Variants in ELF4 observed in about 807,000 individuals in gnomAD.
The protein encoded by ELF4 is E74 like ETS transcription factor 4.
Under a neutral mutation model 31.7 loss-of-function variants are expected in ELF4, and 10 were observed. The ratio of observed to expected loss-of-function variants is 0.32; its 90% CI spans 0.19 to 0.54. ELF4 has a LOEUF of 0.54. Ranked by LOEUF, ELF4 falls within the 20% of genes least tolerant of loss-of-function variation. ELF4 has a pLI of 0.95. For missense variants in ELF4, 418 were observed against 522.0 expected (o/e 0.80, Z 1.94); for synonymous variants, 208 against 226.7 (o/e 0.92, Z 0.74).
intron 1 of ELF4, among the ~76,000 whole-genome samples, chrX:130,090,241 C>T (rs1488703185): frequency 2.7e-5 from 3 of 110,726 alleles, no homozygotes; most frequent in Non-Finnish European, 5.7e-5. Context: ...GGTGTGGTGG[C>T]GCCCTCCTGT....
intron 1 of ELF4, among the ~76,000 whole-genome samples, chrX:130,100,118 C>T (rs1320358504): frequency 5.4e-5 from 6 of 111,489 alleles, no homozygotes; most frequent in African/African-American, 2.0e-4. Context: ...CATCTGTACC[C>T]CATACCTGTG....
chrX:130,067,522 T>C lies in ELF4; in HGVS notation c.1191A>G (p.Ala397=), dbSNP rs1603196167. ...GGTGGATGTTGCTGGGCACTGAAGA[T>C]GCACTGAGAAGAAACAGAGAACAGA... ...GQVKLTKAVS[A]SSVPSNIHLG... is the part of the protein sequence containing the mutation. Residue 397 remains alanine (A), a synonymous_variant, in exon 9 of 9, where the codon GCA becomes GCG. Transcript: ENST00000308167. The C allele has an allele frequency of 8.3e-7, 1 of 1,211,453 alleles. No homozygotes were observed. The highest frequency in any genetic ancestry group is 1.1e-6 in the Non-Finnish European group (1 of 895,171).
chrX:130,081,146 G>T, intron 2 of ELF4, 110 bp downstream of exon 2: 1 of 914,239 alleles, frequency 1.1e-6, no homozygotes, highest in Non-Finnish European at 1.6e-6. Flanking sequence ...ATGGATATTT[G>T]CTGATTGGCT....
intron 1 of ELF4, among the ~76,000 whole-genome samples, chrX:130,085,721 C>G (rs1932951042): frequency 8.9e-6 from 1 of 111,780 alleles, no homozygotes; most frequent in Non-Finnish European, 1.9e-5. Context: ...TTGGAGCCAG[C>G]TCTCACTCCT....
intron 2 of ELF4, among the ~76,000 whole-genome samples, chrX:130,076,224 T>TA (rs1556195269): frequency 1.8e-5 from 2 of 111,029 alleles, no homozygotes; most frequent in Admixed American, 9.6e-5. Context: ...GTGTTTTTTT[T>TA]AAAAAAACTC....
chrX:130,074,894 G>A, intron 2 of ELF4, 142 bp from the exon 3 acceptor site: 1 of 701,882 alleles, frequency 1.4e-6, no homozygotes, highest in Non-Finnish European at 2.2e-6. Context: ...ATAACTCTGG[G>A]TCCAGCCTCA....
intron 2 of ELF4, among the ~76,000 whole-genome samples, chrX:130,078,055 T>G (rs1190988279): frequency 1.8e-5 from 2 of 109,667 alleles, no homozygotes; most frequent in Non-Finnish European, 3.8e-5. Context: ...CTTTTCTTTT[T>G]TTTTTTTGGA....
At chrX:130,101,332 A>G (rs1182359164) in intron 1 of ELF4, among the ~76,000 whole-genome samples, 1 of 112,683 alleles carries the variant, frequency 8.9e-6, no homozygotes, top group Non-Finnish European at 1.9e-5. Flanking sequence ...TCATGGATTT[A>G]TTAACCAAAA....
Position 130,065,917 on chromosome X carries a change from C to G in ELF4, c.*804G>C. The G allele has an allele frequency of 5.7e-6, 1 of 175,233 alleles. No homozygotes were observed. Among genetic ancestry groups the G allele is most frequent in the East Asian group, 8.1e-5 (1 of 12,357 alleles). 14.4% of individuals were successfully genotyped at this position (175,233 alleles called of 1,213,427 possible). Reference sequence around the variant, plus strand: ...ACTGCAAGGTGACTGTGGTTGCTAACACGGCAAACTCCAGGAAGAGTACCT... The same window carrying G: ...ACTGCAAGGTGACTGTGGTTGCTAAGACGGCAAACTCCAGGAAGAGTACCT... On this transcript the variant is annotated 3_prime_UTR_variant, in exon 9 of 9. Coordinates refer to ENST00000308167, the MANE Select transcript of ELF4 (RefSeq NM_001421.4).
intron 5 of ELF4, among the ~76,000 whole-genome samples, chrX:130,071,749 G>A (rs1463240501): frequency 8.9e-6 from 1 of 112,883 alleles, no homozygotes; most frequent in Non-Finnish European, 1.9e-5. Flanking sequence ...GCTGAGGTTC[G>A]GTTGCCATGC....
chrX:130,067,217 G>A lies in ELF4; in HGVS notation c.1496C>T (p.Pro499Leu), dbSNP rs371747723. The A allele has an allele frequency of 2.7e-5, 33 of 1,210,194 alleles. No homozygotes were observed. The highest frequency in any genetic ancestry group is 8.7e-5 in the African/African-American group (5 of 57,447). ...AGCCCCTGTGACCGTGGGTGGCGCC[G>A]GGTTGGTCGGACGGTTGGCCCCAGC... is the stretch of plus-strand genomic sequence containing the variant. ...LLAGANRPTN[P>L]APPTVTGAGP... Residue 499 changes from proline (P) to leucine (L), a missense_variant, in exon 9 of 9, where the codon CCG (proline) becomes CTG (leucine). Transcript: ENST00000308167.
chrX:130,082,459 C>T (rs1017068297), intron 1 of ELF4, among the ~76,000 whole-genome samples: 5 of 112,148 alleles, frequency 4.5e-5, no homozygotes, highest in Non-Finnish European at 9.4e-5. Context: ...AGGAGAGCCC[C>T]GACTGGAGGA....
chrX:130,100,884 G>A (rs1933241379), intron 1 of ELF4, among the ~76,000 whole-genome samples: 3 of 112,254 alleles, frequency 2.7e-5, no homozygotes, highest in South Asian at 3.7e-4. Flanking sequence ...CTCTAGAAAT[G>A]AGACCACAGG....
At chrX:130,105,398 A>G (rs1362706321) in intron 1 of ELF4, among the ~76,000 whole-genome samples, 2 of 111,243 alleles carry the variant, frequency 1.8e-5, no homozygotes, top group Admixed American at 9.5e-5. Context: ...TTTCCCAACC[A>G]AGAAGTCAGG....
intron 1 of ELF4, among the ~76,000 whole-genome samples, chrX:130,085,883 A>G (rs1932953242): frequency 8.9e-6 from 1 of 112,176 alleles, no homozygotes; most frequent in African/African-American, 3.2e-5. Flanking sequence ...CCTCGACTGA[A>G]AAACAGCCCG....
intron 1 of ELF4, among the ~76,000 whole-genome samples, chrX:130,102,946 G>GA (rs1483994974): frequency 6.0e-5 from 3 of 49,808 alleles, no homozygotes; most frequent in African/African-American, 3.5e-4. Flanking sequence ...GAGGGAGGAA[G>GA]GAAGGAAGGG....
Position 130,063,963 on chromosome X carries a change from T to C in ELF4, c.*2758A>G, listed in dbSNP as rs201574859. 2.3e-5 allele frequency among the ~76,000 whole-genome samples: 2 copies of C among 86,159 alleles called. No homozygotes were observed. Among genetic ancestry groups the C allele is most frequent in the East Asian group, 7.1e-4 (2 of 2,821 alleles). The allele number at this position is 86,159 out of a possible 115,157, so 74.8% of individuals were successfully genotyped here. A position where few individuals can be genotyped will look rare whatever the true frequency, so the allele number is the denominator to read the frequency against. On this transcript the variant is annotated 3_prime_UTR_variant, in exon 9 of 9. Coordinates refer to ENST00000308167, the MANE Select transcript of ELF4 (RefSeq NM_001421.4). ...GGCAAGTCGTGACGGCCTTTTTGTT[T>C]GCTTGATTTTTATTATTATTATTAT... is the stretch of plus-strand genomic sequence containing the variant.
intron 1 of ELF4, among the ~76,000 whole-genome samples, chrX:130,101,723 C>A (rs963988280): frequency 3.6e-5 from 4 of 110,255 alleles, no homozygotes; most frequent in Non-Finnish European, 7.6e-5. Context: ...CGCTTGAACC[C>A]GGGAGGCAGA....
chrX:130,089,097 G>T (rs887598408), intron 1 of ELF4, among the ~76,000 whole-genome samples: 2 of 111,206 alleles, frequency 1.8e-5, no homozygotes, highest in Non-Finnish European at 3.8e-5. Context: ...GATGAGGTGG[G>T]AAGACAGCCT....
Sources: gnomAD v4.1 joint callset for allele counts (sites outside exome capture counted in the v4.1 genomes callset) on GRCh38, gnomAD v4.1.1 for gene constraint, MANE v1.5 for transcripts, NCBI Gene and HGNC (gene_info 2026-07-23, HGNC 2026-07-21) for gene names.